ADAMTS19: variants seen among roughly 807,000 people sequenced by gnomAD.
ADAMTS19 encodes ADAM metallopeptidase with thrombospondin type 1 motif 19, also known as A disintegrin and metalloproteinase with thrombospondin motifs 19.
Under a neutral mutation model 153.3 loss-of-function variants are expected in ADAMTS19, and 93 were observed. The ratio of observed to expected loss-of-function variants is 0.61; its 90% CI spans 0.51 to 0.72. ADAMTS19 has a LOEUF of 0.72. Ranked by LOEUF, ADAMTS19 falls within the 30% of genes least tolerant of loss-of-function variation. ADAMTS19 has a pLI of 0.00. For synonymous variants in ADAMTS19, 600 were observed against 556.6 expected, an observed-to-expected ratio of 1.08 and a Z score of -1.10; for missense variants, 1,482 against 1,552.1, an observed-to-expected ratio of 0.95 and a Z score of 0.76.
chr5:129,562,498 C>T (rs1753558209), intron 7 of ADAMTS19, among the ~76,000 whole-genome samples: 1 of 152,076 alleles, frequency 6.6e-6, no homozygotes, highest in Admixed American at 6.6e-5. Context: ...TTGTATATAC[C>T]TCTTGAAAAG....
chr5:129,611,706 T>C (rs1030357684), intron 8 of ADAMTS19, among the ~76,000 whole-genome samples: 11 of 152,280 alleles, frequency 7.2e-5, no homozygotes, highest in Non-Finnish European at 1.3e-4. Flanking sequence ...GTAGTTTAGT[T>C]TGAAGTCAGG....
chr5:129,695,037 CCA>C (rs1257345143), intron 19 of ADAMTS19, among the ~76,000 whole-genome samples, 182 bp downstream of exon 19: 1 of 152,096 alleles, frequency 6.6e-6, no homozygotes, highest in African/African-American at 2.4e-5. Context: ...CCAAGATTTT[CCA>C]CTTAAGGAAG....
intron 2 of ADAMTS19, among the ~76,000 whole-genome samples, chr5:129,491,049 T>A (rs917861341): frequency 2.0e-5 from 3 of 152,102 alleles, no homozygotes; most frequent in Non-Finnish European, 1.5e-5. Flanking sequence ...CAGGCTGGAG[T>A]GCAGTGGTGT....
chr5:129,486,428 A>G (rs1235345753), intron 2 of ADAMTS19, among the ~76,000 whole-genome samples: 3 of 152,226 alleles, frequency 2.0e-5, no homozygotes, highest in Non-Finnish European at 4.4e-5. Context: ...AGGGTGGTTT[A>G]ATACTAAAAA....
intron 6 of ADAMTS19, among the ~76,000 whole-genome samples, chr5:129,546,079 CT>C (rs1272064976): frequency 1.3e-5 from 2 of 148,524 alleles, no homozygotes; most frequent in Non-Finnish European, 3.0e-5. Flanking sequence ...AGTTCATGTC[CT>C]TTGTAGGGAC....
At chr5:129,565,747 T>C (rs1254911791) in intron 7 of ADAMTS19, among the ~76,000 whole-genome samples, 2 of 152,172 alleles carry the variant, frequency 1.3e-5, no homozygotes, top group Non-Finnish European at 2.9e-5. Context: ...AGAATAAATG[T>C]ATTGATACAT....
intron 8 of ADAMTS19, among the ~76,000 whole-genome samples, chr5:129,602,212 C>A (rs1325060206): frequency 6.6e-6 from 1 of 152,210 alleles, no homozygotes; most frequent in African/African-American, 2.4e-5. Flanking sequence ...CCTGCCTCAG[C>A]CTCCCAAGTA....
At chr5:129,523,897 T>G (rs1297766674) in intron 3 of ADAMTS19, among the ~76,000 whole-genome samples, 2 of 152,126 alleles carry the variant, frequency 1.3e-5, no homozygotes, top group Non-Finnish European at 2.9e-5. Flanking sequence ...CCCAAAGTAA[T>G]TTATAGATTC....
At chr5:129,553,266 T>C (rs1271610184) in intron 7 of ADAMTS19, among the ~76,000 whole-genome samples, 1 of 152,106 alleles carries the variant, frequency 6.6e-6, no homozygotes, top group East Asian at 1.9e-4. Flanking sequence ...CTTCCATAGC[T>C]ATACACACGA....
At chr5:129,698,976 C>T (rs1444361717) in intron 19 of ADAMTS19, among the ~76,000 whole-genome samples, 1 of 152,116 alleles carries the variant, frequency 6.6e-6, no homozygotes, top group Non-Finnish European at 1.5e-5. Flanking sequence ...AAATCATTTA[C>T]AATTAAACTA....
intron 14 of ADAMTS19, among the ~76,000 whole-genome samples, chr5:129,658,347 A>AGAGAGAGCGAGAG (rs1554103336): frequency 8.6e-6 from 1 of 115,992 alleles, no homozygotes; most frequent in African/African-American, 3.7e-5. Flanking sequence ...GAAAGAAAGA[A>AGAGAGAGCGAGAG]AGAAAGAAAG....
At chr5:129,603,819 G>A (rs1249784565) in intron 8 of ADAMTS19, among the ~76,000 whole-genome samples, 1 of 152,118 alleles carries the variant, frequency 6.6e-6, no homozygotes, top group Admixed American at 6.6e-5. Flanking sequence ...CAGCTAATAA[G>A]TGCCTGAATC....
At position 129,654,383 on chromosome 5, in the gene ADAMTS19, A is replaced by G; in HGVS notation, c.2254A>G (p.Thr752Ala). 1 of 1,613,364 alleles carries G rather than the reference A, an allele frequency of 6.2e-7. No individual in the cohort carries two copies. The highest frequency in any genetic ancestry group is 2.2e-5 in the East Asian group (1 of 44,844). ...TCTATCAGAAAAAGTGATGGATGGA[A>G]CTTCTTGTGGCTATCAGGGATTAGA... ...ILLSEKVMDG[T>A]SCGYQGLDIC... The change falls in exon 14 of 23, where the codon ACT becomes GCT. Residue 752 changes from threonine (T) to alanine (A), a missense_variant. Around this residue, in one of 2 missense-constraint regions of ADAMTS19, gnomAD observed 616 missense variants for 724.4 expected, o/e 0.85. Transcript: ENST00000274487.
intron 7 of ADAMTS19, among the ~76,000 whole-genome samples, chr5:129,571,344 GTATGTATATA>G (rs1753898980): frequency 6.6e-6 from 1 of 151,558 alleles, no homozygotes; most frequent in Non-Finnish European, 1.5e-5. Context: ...GTGTATATGT[GTATGTATATA>G]TATGTATATG....
At chr5:129,710,676 A>G (rs752419903) in intron 21 of ADAMTS19, among the ~76,000 whole-genome samples, 4 of 152,196 alleles carry the variant, frequency 2.6e-5, no homozygotes, top group Non-Finnish European at 4.4e-5. Flanking sequence ...TCACTTCTTA[A>G]AACTAACATT....
chr5:129,621,620 C>CA (rs1348772523), intron 9 of ADAMTS19, among the ~76,000 whole-genome samples: 1 of 152,200 alleles, frequency 6.6e-6, no homozygotes, highest in African/African-American at 2.4e-5. Flanking sequence ...GCTGCATCAG[C>CA]AGCCCTTCTG....
chr5:129,696,018 A>T (rs150402178), intron 19 of ADAMTS19, among the ~76,000 whole-genome samples: 10 of 152,236 alleles, frequency 6.6e-5, no homozygotes, highest in African/African-American at 2.4e-4. Context: ...AGGGAGAGGA[A>T]CAAAGTTGCT....
At chr5:129,476,872 C>T (rs904608669) in intron 2 of ADAMTS19, among the ~76,000 whole-genome samples, 1 of 152,020 alleles carries the variant, frequency 6.6e-6, no homozygotes, top group African/African-American at 2.4e-5. Flanking sequence ...TAATGACATC[C>T]TGGAGTTATG....
intron 21 of ADAMTS19, among the ~76,000 whole-genome samples, chr5:129,719,578 C>T (rs1158897271): frequency 4.7e-5 from 7 of 149,402 alleles, no homozygotes; most frequent in Non-Finnish European, 8.9e-5. Flanking sequence ...TTCAAAATCA[C>T]GTATTACTTC....
Sources: gnomAD v4.1 joint callset for allele counts (sites outside exome capture counted in the v4.1 genomes callset) on GRCh38, gnomAD v4.1.1 for gene constraint, gnomAD v4.1.1 regional missense constraint, MANE v1.5 for transcripts, NCBI Gene and HGNC (gene_info 2026-07-23, HGNC 2026-07-21) for gene names.